Variants in MFHAS1 observed in about 807,000 individuals in gnomAD.
MFHAS1 encodes malignant fibrous histiocytoma-amplified sequence 1.
MFHAS1 carries 50 observed loss-of-function variants against 70.4 expected under a neutral mutation model. That is an observed-to-expected ratio of 0.71 (90% CI 0.57 to 0.90). The LOEUF (loss-of-function observed/expected upper bound fraction) is 0.90, where lower values mean the gene tolerates loss of function less well. Among genes scored for constraint, MFHAS1 ranks in the 40% least tolerant of loss-of-function variants. MFHAS1 has a pLI of 0.00. For synonymous variants in MFHAS1, 952 were observed against 620.0 expected, an observed-to-expected ratio of 1.54 and a Z score of -7.96; for missense variants, 1,795 against 1,347.6, an observed-to-expected ratio of 1.33 and a Z score of -5.20.
In MFHAS1 at chr8:8,856,515, G is replaced by C. The variant is rs150358466; in HGVS notation, c.2998+33546C>G. On this transcript the variant is annotated intron_variant, in intron 1 of 2. Coordinates refer to ENST00000276282, the MANE Select transcript of MFHAS1 (RefSeq NM_004225.3). ...GCCTGACAATTGCCAAACATATCAG[G>C]TGAGGCTTTGGGATCCACTGGTGGG... Among the ~76,000 whole-genome samples the C allele has an allele frequency of 9.4e-3, 1,425 of 152,292 alleles. 16 individuals carry two copies. The highest frequency in any genetic ancestry group is 0.012 in the Non-Finnish European group (849 of 68,016).
chr8:8,835,849 G>A (rs1807575724), intron 1 of MFHAS1, among the ~76,000 whole-genome samples: 1 of 152,166 alleles, frequency 6.6e-6, no homozygotes, highest in Non-Finnish European at 1.5e-5. Flanking sequence ...ATGGCCCGCT[G>A]CCTGTTCTTG....
intron 2 of MFHAS1, among the ~76,000 whole-genome samples, chr8:8,786,453 T>C (rs1354176606): frequency 6.6e-6 from 1 of 152,198 alleles, no homozygotes; most frequent in African/African-American, 2.4e-5. Context: ...AATAATCCTC[T>C]AGAAGAAGGA....
intron 1 of MFHAS1, among the ~76,000 whole-genome samples, chr8:8,832,629 T>TTTC (rs1807446648): frequency 7.0e-6 from 1 of 143,236 alleles, no homozygotes; most frequent in Non-Finnish European, 1.5e-5. Flanking sequence ...ATTTTTTTCT[T>TTTC]TTTTTTTTTT....
At chr8:8,825,035 T>C (rs751811456) in intron 1 of MFHAS1, among the ~76,000 whole-genome samples, 3 of 152,246 alleles carry the variant, frequency 2.0e-5, no homozygotes, top group Non-Finnish European at 2.9e-5. Context: ...GCTAAGTCAG[T>C]GCAATCTCAT....
chr8:8,849,118 T>C (rs555618882), intron 1 of MFHAS1, among the ~76,000 whole-genome samples: 4 of 126,660 alleles, frequency 3.2e-5, no homozygotes, highest in African/African-American at 5.8e-5. Context: ...TCTAGCTCTG[T>C]TGCCCAGGCT....
At chr8:8,841,404 G>C (rs966195263) in intron 1 of MFHAS1, among the ~76,000 whole-genome samples, 1 of 152,066 alleles carries the variant, frequency 6.6e-6, no homozygotes, top group Non-Finnish European at 1.5e-5. Flanking sequence ...GAACCCAGGA[G>C]GCAGAGTGAG....
Position 8,890,485 on chromosome 8 carries a change from C to A in MFHAS1, c.2574G>T (p.Val858=), listed in dbSNP as rs1170303919. ...CATTAATCCAGGCTTCTGCATGGGGCACCTCGTTCTGCACATAGCATGGGA... is the reference window on the plus strand; with the variant it reads ...CATTAATCCAGGCTTCTGCATGGGGAACCTCGTTCTGCACATAGCATGGGA... ...YKFPCYVQNE[V]PHAEAWINGT... Residue 858 remains valine (V), a synonymous_variant, in exon 1 of 3, where the codon GTG becomes GTT. Transcript: ENST00000276282. 6.2e-7 allele frequency: 1 copy of A among 1,613,732 alleles called. No individual in the cohort carries two copies. Among genetic ancestry groups the A allele is most frequent in the Non-Finnish European group, 8.5e-7 (1 of 1,180,052 alleles).
intron 2 of MFHAS1, among the ~76,000 whole-genome samples, chr8:8,787,359 T>C (rs370948439): frequency 5.8e-4 from 88 of 152,168 alleles, no homozygotes; most frequent in East Asian, 1.4e-3. Flanking sequence ...GGATTACAGG[T>C]GTGAGCCACT....
intron 1 of MFHAS1, among the ~76,000 whole-genome samples, chr8:8,869,432 G>A (rs574973343): frequency 2.6e-5 from 4 of 152,068 alleles, no homozygotes; most frequent in Non-Finnish European, 4.4e-5. Context: ...TTATCTTTGC[G>A]GTATTTTAAA....
chr8:8,809,534 CCCA>C (rs1477944763), intron 1 of MFHAS1, among the ~76,000 whole-genome samples: 5 of 152,212 alleles, frequency 3.3e-5, no homozygotes, highest in Non-Finnish European at 4.4e-5. Context: ...ACTCACTCGT[CCCA>C]CCACGCCTCC....
rs34714915 is a variant in MFHAS1 at position 8,791,125 on chromosome 8, GTT to G, written c.3126-5072_3126-5071del. On this transcript the variant is annotated intron_variant, in intron 2 of 2. Coordinates refer to ENST00000276282, the MANE Select transcript of MFHAS1 (RefSeq NM_004225.3). ...CCATTTTCAAACCACCACCCCACCCGTTTTTTTTTTTTTTTTTTGCTAATTCT... is the reference window on the plus strand; with the variant it reads ...CCATTTTCAAACCACCACCCCACCCGTTTTTTTTTTTTTTTTGCTAATTCT... Among the ~76,000 whole-genome samples, 503 of 132,638 alleles carry G rather than the reference GTT, an allele frequency of 3.8e-3. 1 individual carries two copies. The highest frequency in any genetic ancestry group is 0.013 in the African/African-American group (474 of 36,564). 87.0% of individuals were successfully genotyped at this position (132,638 alleles called of 152,430 possible). A position where few individuals can be genotyped will look rare whatever the true frequency, so the allele number is the denominator to read the frequency against.
chr8:8,867,615 T>C (rs937026285), intron 1 of MFHAS1, among the ~76,000 whole-genome samples: 4 of 151,702 alleles, frequency 2.6e-5, no homozygotes, highest in Non-Finnish European at 1.5e-5. Flanking sequence ...TGGAGTGCAG[T>C]GGCGCAATCT....
intron 1 of MFHAS1, among the ~76,000 whole-genome samples, chr8:8,807,364 C>T (rs893172758): frequency 1.3e-5 from 2 of 152,124 alleles, no homozygotes; most frequent in South Asian, 4.2e-4. Flanking sequence ...GAATCACTTA[C>T]AATTTCATTT....
intron 1 of MFHAS1, among the ~76,000 whole-genome samples, chr8:8,875,737 C>T (rs947202718): frequency 2.4e-4 from 37 of 152,148 alleles, no homozygotes; most frequent in Admixed American, 1.4e-3. Context: ...ATTACAGGTG[C>T]GTGCCACCAC....
intron 1 of MFHAS1, among the ~76,000 whole-genome samples, chr8:8,882,348 G>A (rs1226681898): frequency 6.6e-6 from 1 of 151,818 alleles, no homozygotes; most frequent in Non-Finnish European, 1.5e-5. Context: ...TCAGATAGTG[G>A]CACTGCACTC....
chr8:8,815,636 CAT>C (rs1017662709), intron 1 of MFHAS1, among the ~76,000 whole-genome samples: 5 of 152,030 alleles, frequency 3.3e-5, no homozygotes, highest in East Asian at 1.9e-4. Flanking sequence ...AGCTTTTTTT[CAT>C]ATGTTTGTTG....
At chr8:8,867,781 T>C (rs563840497) in intron 1 of MFHAS1, among the ~76,000 whole-genome samples, 1 of 152,176 alleles carries the variant, frequency 6.6e-6, no homozygotes, top group South Asian at 2.1e-4. Context: ...ATTGTCTCGA[T>C]CTCCTGACCT....
chr8:8,821,847 A>T (rs3827808), intron 1 of MFHAS1: 52,583 of 152,202 alleles, frequency 0.35, 10,344 homozygotes, highest in African/African-American at 0.53. Flanking sequence ...ATCTGAGGAA[A>T]TCACTGATTA....
chr8:8,855,475 T>C (rs1808402412), intron 1 of MFHAS1, among the ~76,000 whole-genome samples: 1 of 152,246 alleles, frequency 6.6e-6, no homozygotes, highest in Admixed American at 6.5e-5. Context: ...AATGTCTCCA[T>C]CCTGCACAAT....
Sources: gnomAD v4.1 joint callset for allele counts (sites outside exome capture counted in the v4.1 genomes callset) on GRCh38, gnomAD v4.1.1 for gene constraint, MANE v1.5 for transcripts, NCBI Gene and HGNC (gene_info 2026-07-23, HGNC 2026-07-21) for gene names.